Variants in ERBB4 observed in about 807,000 individuals in gnomAD.
ERBB4 encodes erb-b2 receptor tyrosine kinase 4.
Under a neutral mutation model 158.0 loss-of-function variants are expected in ERBB4, and 42 were observed. That is an observed-to-expected ratio of 0.27 (90% confidence interval 0.21 to 0.34). The LOEUF (loss-of-function observed/expected upper bound fraction) is 0.34. ERBB4 is among the 10% of genes least tolerant of loss of function. The pLI is 1.00. For synonymous variants in ERBB4, 583 were observed against 558.7 expected (o/e 1.04, Z -0.61); for missense variants, 1,333 against 1,624.1 (o/e 0.82, Z 3.08).
intron 1 of ERBB4, among the ~76,000 whole-genome samples, chr2:212,498,811 A>G (rs907696938): frequency 1.3e-5 from 2 of 151,992 alleles, no homozygotes; most frequent in Non-Finnish European, 2.9e-5. Flanking sequence ...ACTAGTAGTA[A>G]TTAATTAATA....
chr2:212,114,043 C>T (rs545887757), intron 2 of ERBB4, among the ~76,000 whole-genome samples: 1 of 152,238 alleles, frequency 6.6e-6, no homozygotes, highest in Admixed American at 6.5e-5. Flanking sequence ...GCTGAGCAGC[C>T]ACCCCATGAT....
chr2:212,465,176 T>C (rs914447807), intron 1 of ERBB4, among the ~76,000 whole-genome samples: 2 of 152,142 alleles, frequency 1.3e-5, no homozygotes, highest in African/African-American at 4.8e-5. Flanking sequence ...CTCTCTAGAC[T>C]TGTTTCCCGA....
intron 20 of ERBB4, among the ~76,000 whole-genome samples, chr2:211,496,622 A>G (rs1446642246): frequency 6.6e-6 from 1 of 151,468 alleles, no homozygotes; most frequent in Non-Finnish European, 1.5e-5. Flanking sequence ...ATCATCTCTC[A>G]CCTCAATTAT....
intron 4 of ERBB4, among the ~76,000 whole-genome samples, chr2:211,755,413 G>A (rs1025589293): frequency 1.3e-5 from 2 of 152,074 alleles, no homozygotes; most frequent in East Asian, 3.9e-4. Flanking sequence ...GAGGTGGGAG[G>A]ATCACTGGAA....
At chr2:211,609,073 C>G (rs1391031042) in intron 19 of ERBB4, among the ~76,000 whole-genome samples, 1 of 151,998 alleles carries the variant, frequency 6.6e-6, no homozygotes, top group South Asian at 2.1e-4. Context: ...CAGCAGCAGC[C>G]CAAGAAGCAA....
chr2:211,533,674 A>G (rs567955229), intron 20 of ERBB4, among the ~76,000 whole-genome samples: 3 of 152,176 alleles, frequency 2.0e-5, no homozygotes, highest in South Asian at 4.1e-4. Flanking sequence ...AGATTAAAGT[A>G]CTGAATAAGT....
intron 3 of ERBB4, among the ~76,000 whole-genome samples, chr2:211,922,627 G>A (rs2079887248): frequency 6.6e-6 from 1 of 151,984 alleles, no homozygotes; most frequent in African/African-American, 2.4e-5. Context: ...TTAATACATT[G>A]TTAATTGTAC....
intron 1 of ERBB4, among the ~76,000 whole-genome samples, chr2:212,181,183 G>A (rs1486852812): frequency 6.6e-6 from 1 of 151,466 alleles, no homozygotes; most frequent in African/African-American, 2.4e-5. Context: ...CTTCATCACT[G>A]TTTTCCTATA....
At position 211,554,168 on chromosome 2, in the gene ERBB4, G is replaced by A. The variant is rs145813887; in HGVS notation, c.2487+7735C>T. Among the ~76,000 whole-genome samples, 13 of 152,348 alleles carry A rather than the reference G, an allele frequency of 8.5e-5. No individual in the cohort carries two copies. The East Asian group carries it at 1.9e-3, about 23-fold the overall frequency. ...CTGCAGTGATGTGTGTGTGTATGGAGAGGAAAGAATGCAGAGTGGTTTGGA... is the reference window on the plus strand; with the variant it reads ...CTGCAGTGATGTGTGTGTGTATGGAAAGGAAAGAATGCAGAGTGGTTTGGA... On this transcript the variant is annotated intron_variant, in intron 20 of 27. Coordinates refer to ENST00000342788, the MANE Select transcript of ERBB4 (RefSeq NM_005235.3).
chr2:212,479,644 C>G (rs1689586989), intron 1 of ERBB4, among the ~76,000 whole-genome samples: 1 of 152,110 alleles, frequency 6.6e-6, no homozygotes, highest in Non-Finnish European at 1.5e-5. Context: ...AGCATCTGAA[C>G]TAGAACCAAA....
intron 25 of ERBB4, among the ~76,000 whole-genome samples, chr2:211,419,091 T>C (rs576912277): frequency 6.6e-6 from 1 of 152,192 alleles, no homozygotes; most frequent in African/African-American, 2.4e-5. Flanking sequence ...ACAAGACAAG[T>C]CCCAGACTCT....
chr2:212,070,873 T>C (rs1365902172), intron 2 of ERBB4, among the ~76,000 whole-genome samples: 1 of 152,056 alleles, frequency 6.6e-6, no homozygotes, highest in Admixed American at 6.6e-5. Flanking sequence ...ACACTTCTTT[T>C]TTTAATGTAA....
chr2:211,959,337 C>G (rs150696672), intron 2 of ERBB4, among the ~76,000 whole-genome samples: 1 of 152,034 alleles, frequency 6.6e-6, no homozygotes, highest in African/African-American at 2.4e-5. Context: ...GATGGCTTGC[C>G]AAGAAAGATT....
At chr2:211,829,660 T>TA (rs990773758) in intron 3 of ERBB4, among the ~76,000 whole-genome samples, 1 of 152,142 alleles carries the variant, frequency 6.6e-6, no homozygotes, top group South Asian at 2.1e-4. Flanking sequence ...TATATTGCAT[T>TA]AAAAAAATGA....
chr2:211,794,880 T>C (rs1484116050), intron 3 of ERBB4, among the ~76,000 whole-genome samples: 1 of 151,954 alleles, frequency 6.6e-6, no homozygotes, highest in Non-Finnish European at 1.5e-5. Flanking sequence ...TTTTCTTATT[T>C]CTGTTAAAAT....
At chr2:212,299,284 AATC>A (rs2086534134) in intron 1 of ERBB4, among the ~76,000 whole-genome samples, 1 of 151,724 alleles carries the variant, frequency 6.6e-6, no homozygotes, top group South Asian at 2.1e-4. Context: ...TACATTTTGG[AATC>A]ATTATGGTTC....
chr2:212,342,783 G>A (rs2088786654), intron 1 of ERBB4, among the ~76,000 whole-genome samples: 1 of 151,940 alleles, frequency 6.6e-6, no homozygotes, highest in Non-Finnish European at 1.5e-5. Context: ...CAACTATATT[G>A]TAGTTTCTAA....
At chr2:211,594,298 G>T (rs1481970128) in intron 19 of ERBB4, among the ~76,000 whole-genome samples, 1 of 151,972 alleles carries the variant, frequency 6.6e-6, no homozygotes, top group Non-Finnish European at 1.5e-5. Flanking sequence ...AATTAGCCGG[G>T]CGTGGAAGCG....
intron 5 of ERBB4, among the ~76,000 whole-genome samples, chr2:211,736,365 A>G (rs2074601414): frequency 6.6e-6 from 1 of 152,178 alleles, no homozygotes; most frequent in South Asian, 2.1e-4. Flanking sequence ...GCATTTTGAT[A>G]CTGCCTTTTC....
Sources: allele counts gnomAD v4.1 joint callset (sites outside exome capture counted in the v4.1 genomes callset), GRCh38; gene constraint gnomAD v4.1.1; transcripts MANE v1.5; gene names NCBI Gene and HGNC (gene_info 2026-07-23, HGNC 2026-07-21).